Variants in C12orf42 observed in about 807,000 individuals in gnomAD.
C12orf42 encodes uncharacterized protein C12orf42.
In C12orf42, 25 loss-of-function variants were observed where a neutral mutation model predicts 21.6. The ratio of observed to expected loss-of-function variants is 1.16; its 90% CI spans 0.84 to 1.62. C12orf42 has a LOEUF of 1.62. Among genes scored for constraint, C12orf42 ranks in the 40% most tolerant of loss-of-function variants. C12orf42 has a pLI of 0.00. For missense variants in C12orf42, 483 were observed against 459.3 expected (o/e 1.05, Z -0.47); for synonymous variants, 174 against 175.0 (o/e 0.99, Z 0.05).
At chr12:103,307,300 TA>T (rs1303757030) in intron 4 of C12orf42, among the ~76,000 whole-genome samples, 6 of 151,994 alleles carry the variant, frequency 3.9e-5, no homozygotes, top group Admixed American at 2.6e-4. Flanking sequence ...TGTCAGAAGG[TA>T]AAAAACAATC....
At chr12:103,459,466 C>T (rs1952540815) in intron 2 of C12orf42, among the ~76,000 whole-genome samples, 1 of 152,118 alleles carries the variant, frequency 6.6e-6, no homozygotes, top group Non-Finnish European at 1.5e-5. Context: ...GCACCTCCCC[C>T]TGCTCTTGCT....
At chr12:103,490,777 T>C (rs764411648) in intron 1 of C12orf42, among the ~76,000 whole-genome samples, 43 of 151,832 alleles carry the variant, frequency 2.8e-4, no homozygotes, top group Non-Finnish European at 5.3e-4. Flanking sequence ...TTCTAATTTA[T>C]AAAACATTAT....
intron 4 of C12orf42, among the ~76,000 whole-genome samples, chr12:103,320,286 T>C (rs1199888102): frequency 6.6e-6 from 1 of 152,164 alleles, no homozygotes; most frequent in African/African-American, 2.4e-5. Flanking sequence ...AATAGAAATA[T>C]TAACTTAATA....
At chr12:103,130,496 G>T in the C12orf42 span, among the ~76,000 whole-genome samples, 23 of 152,140 alleles carry the variant, frequency 1.5e-4, no homozygotes, top group African/African-American at 5.3e-4. Context: ...ATAATCTCAG[G>T]CTGAAAGTGA....
At chr12:103,352,007 C>T (rs1283321259) in intron 4 of C12orf42, among the ~76,000 whole-genome samples, 1 of 151,920 alleles carries the variant, frequency 6.6e-6, no homozygotes, top group Non-Finnish European at 1.5e-5. Context: ...CCCTCCCTTC[C>T]TCTCCACAAT....
At chr12:103,493,711 A>G (rs2138218625) in intron 1 of C12orf42, among the ~76,000 whole-genome samples, 1 of 123,100 alleles carries the variant, frequency 8.1e-6, no homozygotes, top group Admixed American at 9.6e-5. Context: ...AGCAAAAGCC[A>G]AAAGGGGAGA....
At chr12:103,511,572 G>A in the C12orf42 span, among the ~76,000 whole-genome samples, 20 of 151,920 alleles carry the variant, frequency 1.3e-4, no homozygotes, top group African/African-American at 2.4e-4. Flanking sequence ...CCCTTTTACC[G>A]CTCTTCCTCC....
chr12:103,203,165 T>C, the C12orf42 span, among the ~76,000 whole-genome samples: 1,632 of 152,244 alleles, frequency 0.011, 23 homozygotes, highest in African/African-American at 0.037. Flanking sequence ...TTTGTCAAGA[T>C]GTGGTTGTCT....
At chr12:103,056,288 G>C in the C12orf42 span, among the ~76,000 whole-genome samples, 1 of 152,102 alleles carries the variant, frequency 6.6e-6, no homozygotes, top group Non-Finnish European at 1.5e-5. Context: ...TATTGTGCTA[G>C]TTTTGGCCTC....
chr12:103,097,895 A>C, the C12orf42 span, among the ~76,000 whole-genome samples: 4 of 152,300 alleles, frequency 2.6e-5, no homozygotes, highest in African/African-American at 7.2e-5. Context: ...TTCCTCTGTG[A>C]CACGCTGTGG....
chr12:103,200,808 G>T, the C12orf42 span, among the ~76,000 whole-genome samples: 3 of 152,130 alleles, frequency 2.0e-5, no homozygotes, highest in African/African-American at 7.2e-5. Flanking sequence ...TGCAGTTTTA[G>T]ACCAAGAATT....
chr12:103,136,588 G>T, the C12orf42 span, among the ~76,000 whole-genome samples: 3 of 152,018 alleles, frequency 2.0e-5, no homozygotes, highest in Admixed American at 6.5e-5. Context: ...GCAATTCTGA[G>T]CAAAATAAAA....
At chr12:103,465,661 C>A (rs528034877) in intron 2 of C12orf42, among the ~76,000 whole-genome samples, 1 of 152,296 alleles carries the variant, frequency 6.6e-6, no homozygotes, top group East Asian at 1.9e-4. Context: ...TGAGAGAGGG[C>A]ATCCTTGTCT....
At chr12:103,436,175 A>G (rs1393766459) in intron 2 of C12orf42, among the ~76,000 whole-genome samples, 3 of 150,510 alleles carry the variant, frequency 2.0e-5, no homozygotes, top group Admixed American at 6.6e-5. Context: ...AAGGAGAAAT[A>G]AAATACTTTA....
the C12orf42 span, among the ~76,000 whole-genome samples, chr12:103,066,617 CT>C: frequency 4.7e-4 from 71 of 152,336 alleles, no homozygotes; most frequent in African/African-American, 1.5e-3. Flanking sequence ...GAGCAGTGCA[CT>C]GTTTGTGCTC....
At chr12:103,551,200 A>G in the C12orf42 span, among the ~76,000 whole-genome samples, 1 of 149,008 alleles carries the variant, frequency 6.7e-6, no homozygotes, top group African/African-American at 2.5e-5. Flanking sequence ...TGAAGAATCT[A>G]TTTCAGGAAT....
chr12:103,422,387 C>T (rs1171916827), intron 2 of C12orf42, among the ~76,000 whole-genome samples: 3 of 152,134 alleles, frequency 2.0e-5, no homozygotes, highest in Non-Finnish European at 2.9e-5. Flanking sequence ...CATTCTTTTT[C>T]ACAAGGTAAC....
the C12orf42 span, among the ~76,000 whole-genome samples, chr12:103,140,146 C>A: frequency 6.6e-6 from 1 of 152,176 alleles, no homozygotes; most frequent in Non-Finnish European, 1.5e-5. Flanking sequence ...TTGGCAAGAT[C>A]GGGGTGTCAT....
At chr12:103,528,597 C>A in the C12orf42 span, among the ~76,000 whole-genome samples, 1 of 152,124 alleles carries the variant, frequency 6.6e-6, no homozygotes, top group Non-Finnish European at 1.5e-5. Flanking sequence ...CTCTCTCTTG[C>A]CTCCTCCCTC....
Sources: gnomAD v4.1 joint callset for allele counts (sites outside exome capture counted in the v4.1 genomes callset) on GRCh38, gnomAD v4.1.1 for gene constraint, MANE v1.5 for transcripts, NCBI Gene and HGNC (gene_info 2026-07-23, HGNC 2026-07-21) for gene names.